EVL: variants seen among roughly 807,000 people sequenced by gnomAD.
EVL encodes ena/VASP-like protein.
A neutral mutation model predicts 59.6 loss-of-function variants in EVL; 21 were observed. The observed-to-expected ratio is 0.35, with a 90% CI of 0.25 to 0.51. The LOEUF is 0.51. Among genes scored for constraint, EVL ranks in the 20% least tolerant of loss-of-function variants. EVL has a pLI of 0.97. For synonymous variants in EVL, 198 were observed against 203.5 expected, an observed-to-expected ratio of 0.97 and a Z score of 0.23; for missense variants, 462 against 546.6, an observed-to-expected ratio of 0.85 and a Z score of 1.54.
intron 1 of EVL, among the ~76,000 whole-genome samples, chr14:100,024,986 A>C (rs1271977655): frequency 6.6e-6 from 1 of 152,006 alleles, no homozygotes; most frequent in African/African-American, 2.4e-5. Context: ...AATATACACC[A>C]AATCCAACCA....
chr14:100,061,587 A>G (rs1240978625), upstream of EVL, among the ~76,000 whole-genome samples: 1 of 151,956 alleles, frequency 6.6e-6, no homozygotes, highest in Non-Finnish European at 1.5e-5. Flanking sequence ...GCACACACGC[A>G]CATGACTTGA....
chr14:100,016,908 A>G (rs1261254047), intron 1 of EVL, among the ~76,000 whole-genome samples: 1 of 152,172 alleles, frequency 6.6e-6, no homozygotes, highest in Non-Finnish European at 1.5e-5. Flanking sequence ...CTGGCCAGCT[A>G]CATAAAATAG....
intron 1 of EVL, among the ~76,000 whole-genome samples, chr14:100,078,018 C>T (rs1037276101): frequency 2.0e-5 from 3 of 152,176 alleles, no homozygotes; most frequent in African/African-American, 7.2e-5. Flanking sequence ...TCGTGATCCG[C>T]CCGCCTTGGC....
intron 3 of EVL, among the ~76,000 whole-genome samples, chr14:100,113,288 C>T (rs1034850991): frequency 3.9e-5 from 6 of 152,200 alleles, no homozygotes; most frequent in African/African-American, 7.2e-5. Context: ...TTGAGCGTAA[C>T]ATCCCAGGCT....
chr14:100,137,830 T>C (rs1395775826), intron 11 of EVL, 28 bp downstream of exon 11: 1 of 1,611,088 alleles, frequency 6.2e-7, no homozygotes, highest in African/African-American at 1.3e-5. Flanking sequence ...TGCTCACATG[T>C]CCCCCAGGGT....
chr14:100,018,086 G>A (rs1459945559), intron 1 of EVL, among the ~76,000 whole-genome samples: 3 of 152,232 alleles, frequency 2.0e-5, no homozygotes, highest in Non-Finnish European at 2.9e-5. Flanking sequence ...GTCAGGCATT[G>A]GGAATACAGA....
intron 1 of EVL, among the ~76,000 whole-genome samples, chr14:100,016,633 A>G (rs563304348): frequency 6.6e-6 from 1 of 152,386 alleles, no homozygotes; most frequent in African/African-American, 2.4e-5. Flanking sequence ...ATGTGGTCAC[A>G]GAAGTGCCTT....
rs192035914 is a variant in EVL at position 100,014,979 on chromosome 14, G to A, written c.5+42922G>A. Among the ~76,000 whole-genome samples the A allele has an allele frequency of 5.7e-4, 87 of 152,344 alleles. 1 individual carries two copies. The highest frequency in any genetic ancestry group is 9.3e-4 in the Non-Finnish European group (63 of 68,032). On this transcript the variant is annotated intron_variant, in intron 1 of 13. Coordinates refer to the EVL transcript ENST00000402714. ...GCTCCTTCTGTTTCATCTCCACACA[G>A]CACAGAAGTGAATGTGCATATTAGT...
At chr14:100,133,344 T>C (rs772743184) in intron 8 of EVL, among the ~76,000 whole-genome samples, 4 of 152,166 alleles carry the variant, frequency 2.6e-5, no homozygotes, top group Non-Finnish European at 4.4e-5. Context: ...TTTTCCTCCA[T>C]GTTAAGCTTT....
intron 1 of EVL, among the ~76,000 whole-genome samples, chr14:100,011,337 G>C (rs1391459635): frequency 6.6e-6 from 1 of 152,174 alleles, no homozygotes; most frequent in African/African-American, 2.4e-5. Flanking sequence ...ACTCTGTAAA[G>C]TTAGATATTA....
chr14:99,997,925 T>C (rs1428425977), intron 1 of EVL, among the ~76,000 whole-genome samples: 1 of 152,250 alleles, frequency 6.6e-6, no homozygotes, highest in Non-Finnish European at 1.5e-5. Flanking sequence ...TCATTTAACC[T>C]CTTGGATTCA....
chr14:100,125,219 CACAG>C (rs1189204492), intron 4 of EVL, among the ~76,000 whole-genome samples: 1 of 145,780 alleles, frequency 6.9e-6, no homozygotes, highest in South Asian at 2.2e-4. Flanking sequence ...GGATCACACA[CACAG>C]ACACACACAC....
At position 100,081,570 on chromosome 14, in the gene EVL, T is replaced by C. The variant is rs565956671; in HGVS notation, c.12-3117T>C. 8.0e-4 allele frequency among the ~76,000 whole-genome samples: 121 copies of C among 151,280 alleles called. No homozygotes were observed. The Middle Eastern group carries it at 0.01, about 13-fold the overall frequency. On this transcript the variant is annotated intron_variant, in intron 1 of 13. Coordinates refer to ENST00000392920, the MANE Select transcript of EVL (RefSeq NM_016337.3). ...ATAATTACAAGAAGAAAAATGGTTATTGGTCTTCAGGCATCTAGTGGCAAG... is the reference window on the plus strand; with the variant it reads ...ATAATTACAAGAAGAAAAATGGTTACTGGTCTTCAGGCATCTAGTGGCAAG...
intron 1 of EVL, among the ~76,000 whole-genome samples, chr14:100,010,962 G>C (rs2061013612): frequency 6.6e-6 from 1 of 152,160 alleles, no homozygotes; most frequent in African/African-American, 2.4e-5. Context: ...GGAAGTTTTG[G>C]AACATAGTGC....
At position 100,143,895 on chromosome 14, in the gene EVL, GGAAACCAAGT is replaced by G; in HGVS notation, c.*159_*168del. 1 of 809,600 alleles carries G rather than the reference GGAAACCAAGT, an allele frequency of 1.2e-6. No homozygotes were observed. The highest frequency in any genetic ancestry group is 1.9e-6 in the Non-Finnish European group (1 of 526,102). 50.2% of individuals were successfully genotyped at this position (809,600 alleles called of 1,614,324 possible). A position where few individuals can be genotyped will look rare whatever the true frequency, so the allele number is the denominator to read the frequency against. On this transcript the variant is annotated 3_prime_UTR_variant, in exon 14 of 14. Transcript: ENST00000392920. The stretch of plus-strand genomic sequence containing the variant: ...GACCTGTGATCACACATGACAGTGA[GGAAACCAAGT>G]GCAACTCCTGGGTTTTTTTAGATTC...
intron 2 of EVL, among the ~76,000 whole-genome samples, chr14:100,095,373 A>G (rs1208448142): frequency 2.6e-5 from 4 of 152,242 alleles, no homozygotes; most frequent in African/African-American, 9.6e-5. Context: ...GGCAGAATGG[A>G]GCAGGTTCTT....
At chr14:100,011,324 T>C (rs2061015789) in intron 1 of EVL, among the ~76,000 whole-genome samples, 1 of 152,222 alleles carries the variant, frequency 6.6e-6, no homozygotes, top group African/African-American at 2.4e-5. Context: ...GAATAGAGTT[T>C]AGACTCTGTA....
rs552431760 is a variant in EVL, at chr14:100,110,893, T to G, written c.359-12646T>G. Among the ~76,000 whole-genome samples the G allele has an allele frequency of 1.4e-4, 21 of 152,296 alleles. 1 individual carries two copies. In the South Asian group the frequency reaches 4.1e-3, roughly 30 times the overall value. ...CAGGCGCCATGTGCCCAGTCAGGGTTTGAGATAGGTGGTGGTTCATTCCCC... is the reference window on the plus strand; with the variant it reads ...CAGGCGCCATGTGCCCAGTCAGGGTGTGAGATAGGTGGTGGTTCATTCCCC... On this transcript the variant is annotated intron_variant, in intron 3 of 13. Transcript: ENST00000392920.
At chr14:100,043,745 TGGGACTACAGATGCATGCC>T (rs781030836) in intron 1 of EVL, among the ~76,000 whole-genome samples, 4 of 151,884 alleles carry the variant, frequency 2.6e-5, no homozygotes, top group African/African-American at 4.8e-5. Context: ...CCCAAGTAGC[TGGGACTACAGATGCATGCC>T]ACCATGCCTG....
Sources: allele counts gnomAD v4.1 joint callset (sites outside exome capture counted in the v4.1 genomes callset), GRCh38; gene constraint gnomAD v4.1.1; transcripts MANE v1.5; gene names NCBI Gene and HGNC (gene_info 2026-07-23, HGNC 2026-07-21).